Variants in TNS3 observed in about 807,000 individuals in gnomAD.
The protein encoded by TNS3 is tensin-3.
In TNS3, 45 loss-of-function variants were observed where a neutral mutation model predicts 140.9. That is an observed-to-expected ratio of 0.32 (90% confidence interval 0.25 to 0.41). The LOEUF (loss-of-function observed/expected upper bound fraction) is 0.41. Ranked by LOEUF, TNS3 falls within the 10% of genes least tolerant of loss-of-function variation. The pLI, the probability that TNS3 is intolerant of heterozygous loss-of-function variation, is 1.00. For synonymous variants in TNS3, 815 were observed against 788.4 expected (o/e 1.03, Z -0.56); for missense variants, 1,716 against 1,906.7 (o/e 0.90, Z 1.86).
intron 20 of TNS3, 145 bp from the exon 21 acceptor site, chr7:47,305,148 T>A: frequency 1.8e-6 from 1 of 559,708 alleles, no homozygotes; most frequent in Non-Finnish European, 2.7e-6. Flanking sequence ...ATGACATCAC[T>A]ACCCGTAATA....
At chr7:47,522,100 G>C (rs1371423670) in intron 2 of TNS3, among the ~76,000 whole-genome samples, 1 of 152,164 alleles carries the variant, frequency 6.6e-6, no homozygotes. Context: ...AGTGGATCTG[G>C]GTCCCAGGTA....
intron 2 of TNS3, among the ~76,000 whole-genome samples, chr7:47,509,200 G>A (rs556818977): frequency 4.6e-5 from 7 of 152,214 alleles, no homozygotes; most frequent in African/African-American, 1.7e-4. Flanking sequence ...GACAGCCATC[G>A]GCACTGTAGG....
intron 2 of TNS3, among the ~76,000 whole-genome samples, chr7:47,508,100 C>A (rs1162162574): frequency 6.6e-6 from 1 of 152,296 alleles, no homozygotes; most frequent in East Asian, 1.9e-4. Flanking sequence ...CGTGTCAACA[C>A]CCCGTGAATT....
At chr7:47,474,610 C>G (rs578031063) in intron 4 of TNS3, among the ~76,000 whole-genome samples, 2 of 148,814 alleles carry the variant, frequency 1.3e-5, no homozygotes, top group East Asian at 4.1e-4. Flanking sequence ...ACACACAAAA[C>G]ACCTCACACA....
At chr7:47,389,060 GAA>G (rs1562674929) in intron 16 of TNS3, among the ~76,000 whole-genome samples, 3 of 72,404 alleles carry the variant, frequency 4.1e-5, no homozygotes, top group African/African-American at 1.3e-4. Flanking sequence ...AGAAGAAGAA[GAA>G]GAAGAAGAAG....
chr7:47,293,917 C>G, intron 24 of TNS3, 89 bp from the exon 25 acceptor site: 1 of 1,236,704 alleles, frequency 8.1e-7, no homozygotes, highest in Non-Finnish European at 1.2e-6. Flanking sequence ...CCAGGAGCTA[C>G]AGTTGAAAAG....
At chr7:47,401,054 C>T (rs1476584768) in intron 13 of TNS3, 140 bp from the exon 14 acceptor site, 2 of 1,297,268 alleles carry the variant, frequency 1.5e-6, no homozygotes, top group Non-Finnish European at 2.1e-6. Context: ...TGGAGTGGAA[C>T]TTCAGCCCTG....
At chr7:47,546,957 C>T (rs1256226684) in intron 1 of TNS3, among the ~76,000 whole-genome samples, 1 of 152,258 alleles carries the variant, frequency 6.6e-6, no homozygotes. Flanking sequence ...GACTACCACA[C>T]CCCTCAGTCA....
chr7:47,430,125 T>C (rs1794855426), intron 8 of TNS3, among the ~76,000 whole-genome samples: 1 of 139,564 alleles, frequency 7.2e-6, no homozygotes, highest in Admixed American at 7.4e-5. Context: ...TCTTTTCTTT[T>C]CTTTTCTTTT....
rs1316447039 is a variant in TNS3, at chr7:47,421,434, A to AT, written c.473+2666dup. Among the ~76,000 whole-genome samples the AT allele has an allele frequency of 7.3e-3, 1,020 of 140,454 alleles. 3 individuals carry two copies. The highest frequency in any genetic ancestry group is 0.014 in the African/African-American group (551 of 38,180). The allele number at this position is 140,454 out of a possible 152,430, so 92.1% of individuals were successfully genotyped here. ...AGGTGTGTGCCATCACATCCAGCTA[A>AT]TTTTTTTTTTTTTTTTCTGATAGAG... is the stretch of plus-strand genomic sequence containing the variant. On this transcript the variant is annotated intron_variant, in intron 10 of 30. Coordinates refer to ENST00000311160, the MANE Select transcript of TNS3 (RefSeq NM_022748.12).
intron 20 of TNS3, among the ~76,000 whole-genome samples, chr7:47,308,314 G>A (rs1388529619): frequency 6.6e-6 from 1 of 152,138 alleles, no homozygotes; most frequent in Non-Finnish European, 1.5e-5. Context: ...CTCCAGTGAA[G>A]TTTGGTTTGG....
chr7:47,291,929 G>A (rs1785728329), intron 27 of TNS3, 26 bp downstream of exon 27: 1 of 1,612,388 alleles, frequency 6.2e-7, no homozygotes, highest in Admixed American at 1.7e-5. Context: ...GTCACCAGAT[G>A]TAGAAATGGA....
At chr7:47,516,063 C>G (rs1798768325) in intron 2 of TNS3, among the ~76,000 whole-genome samples, 1 of 152,186 alleles carries the variant, frequency 6.6e-6, no homozygotes, top group Non-Finnish European at 1.5e-5. Context: ...CTTACATAAT[C>G]TATGTAAAGG....
intron 13 of TNS3, among the ~76,000 whole-genome samples, 170 bp from the exon 14 acceptor site, chr7:47,401,084 C>T (rs975541339): frequency 2.6e-5 from 4 of 152,222 alleles, no homozygotes; most frequent in Admixed American, 2.6e-4. Flanking sequence ...CGCCTGCAGA[C>T]AGCTGGGGTG....
chr7:47,331,689 C>G (rs918317554), intron 20 of TNS3, among the ~76,000 whole-genome samples: 8 of 152,210 alleles, frequency 5.3e-5, no homozygotes, highest in African/African-American at 1.9e-4. Context: ...TTCATTTGCT[C>G]TTTCTCTACA....
At position 47,483,171 on chromosome 7, in the gene TNS3, ATT is replaced by A. The variant is rs10716006; in HGVS notation, c.-114-2032_-114-2031del. Among the ~76,000 whole-genome samples the A allele has an allele frequency of 1.2e-3, 172 of 139,476 alleles. 1 individual carries two copies. Among genetic ancestry groups the A allele is most frequent in the South Asian group, 2.1e-3 (9 of 4,338 alleles). 91.5% of individuals were successfully genotyped at this position (139,476 alleles called of 152,430 possible). A position where few individuals can be genotyped will look rare whatever the true frequency, so the allele number is the denominator to read the frequency against. ...ATGAAGAGGAAGAAGAGTGTGTCCA[ATT>A]TTTTTTTTTTTTTTGAGACGGAGTC... On this transcript the variant is annotated intron_variant, in intron 3 of 30. Transcript: ENST00000311160.
intron 1 of TNS3, among the ~76,000 whole-genome samples, chr7:47,559,955 T>C (rs931623290): frequency 9.2e-5 from 14 of 152,160 alleles, no homozygotes; most frequent in African/African-American, 3.1e-4. Context: ...GGATTCACGA[T>C]GCTGCTGAGG....
chr7:47,426,557 T>C (rs565282571), intron 9 of TNS3, among the ~76,000 whole-genome samples: 3 of 152,192 alleles, frequency 2.0e-5, no homozygotes, highest in Admixed American at 1.3e-4. Flanking sequence ...TCTAAGTGCT[T>C]TTTGTGTAAC....
At chr7:47,327,931 C>T (rs573897405) in intron 20 of TNS3, among the ~76,000 whole-genome samples, 1 of 152,142 alleles carries the variant, frequency 6.6e-6, no homozygotes, top group African/African-American at 2.4e-5. Flanking sequence ...AGACACCAGG[C>T]GTGTAGGGAC....
Sources: gnomAD v4.1 joint callset for allele counts (sites outside exome capture counted in the v4.1 genomes callset) on GRCh38, gnomAD v4.1.1 for gene constraint, MANE v1.5 for transcripts, NCBI Gene and HGNC (gene_info 2026-07-23, HGNC 2026-07-21) for gene names.